The following IKBKB variants were observed in gnomAD, a reference collection of about 807,000 sequenced individuals.
IKBKB encodes inhibitor of nuclear factor kappa-B kinase subunit beta.
Under a neutral mutation model 113.6 loss-of-function variants are expected in IKBKB, and 42 were observed. The ratio of observed to expected loss-of-function variants is 0.37; its 90% CI spans 0.29 to 0.48. IKBKB has a LOEUF of 0.48. Ranked by LOEUF, IKBKB falls within the 20% of genes least tolerant of loss-of-function variation. The pLI is 0.99. For synonymous variants in IKBKB, 296 were observed against 361.3 expected (o/e 0.82, Z 2.05); for missense variants, 673 against 939.7 (o/e 0.72, Z 3.71).
Position 42,293,433 on chromosome 8 carries a change from T to C in IKBKB, c.319-10T>C, listed in dbSNP as rs199743559. 31 of 1,614,060 alleles carry C rather than the reference T, an allele frequency of 1.9e-5. No individual in the cohort carries two copies. Among genetic ancestry groups the C allele is most frequent in the African/African-American group, 1.2e-4 (9 of 74,930 alleles). On this transcript the variant is annotated splice_polypyrimidine_tract_variant and intron_variant, in intron 4 of 21. Transcript: ENST00000520810. ...ACCAGCTCTGATGCTGCTTTTCACT[T>C]TCTTGACAGTACCTGAACCAGTTTG... is the stretch of plus-strand genomic sequence containing the variant.
Position 42,325,354 on chromosome 8 carries a change from G to A in IKBKB, c.1987-616G>A, listed in dbSNP as rs1004468551. 3.0e-6 allele frequency: 3 copies of A among 985,638 alleles called. No homozygotes were observed. The African/African-American group carries it at 5.2e-5, about 17-fold the overall frequency. 61.1% of individuals were successfully genotyped at this position (985,638 alleles called of 1,614,324 possible). A position where few individuals can be genotyped will look rare whatever the true frequency, so the allele number is the denominator to read the frequency against. ...TTGTGTGTGTGTCTGTCTTCTACCTGGAAAACAGTAAGAATACTTTCCTGT... is the reference window on the plus strand; with the variant it reads ...TTGTGTGTGTGTCTGTCTTCTACCTAGAAAACAGTAAGAATACTTTCCTGT... On this transcript the variant is annotated intron_variant, in intron 19 of 21. Transcript: ENST00000520810.
rs142198097 is a variant in IKBKB, at chr8:42,332,319, C to T, written c.*1340C>T. The T allele has an allele frequency of 4.6e-5, 7 of 152,328 alleles. No homozygotes were observed. The East Asian group carries it at 1.3e-3, about 29-fold the overall frequency. The allele number at this position is 152,328 out of a possible 1,614,324, so 9.4% of individuals were successfully genotyped here. On this transcript the variant is annotated 3_prime_UTR_variant, in exon 22 of 22. Transcript: ENST00000520810. ...AAAAGTCTTATAATAAAGAAACAGGCTTAACTTTGTGTAAGAACACTGTTT... is the reference window on the plus strand; with the variant it reads ...AAAAGTCTTATAATAAAGAAACAGGTTTAACTTTGTGTAAGAACACTGTTT...
At chr8:42,322,987 T>A (rs1019867661) in intron 19 of IKBKB, among the ~76,000 whole-genome samples, 3 of 152,152 alleles carry the variant, frequency 2.0e-5, no homozygotes, top group Non-Finnish European at 4.4e-5. Flanking sequence ...AGGGCTGAGC[T>A]CCCTCTGAGG....
intron 9 of IKBKB, among the ~76,000 whole-genome samples, chr8:42,314,978 A>T (rs1470898851): frequency 6.6e-6 from 1 of 152,060 alleles, no homozygotes; most frequent in African/African-American, 2.4e-5. Context: ...ACCTCTTATT[A>T]CCCTTAATAG....
chr8:42,320,619 G>A, intron 15 of IKBKB, 116 bp from the exon 16 acceptor site: 1 of 817,464 alleles, frequency 1.2e-6, no homozygotes, highest in South Asian at 1.5e-5. Context: ...CTTTGAGCCA[G>A]TCCATTGAGG....
chr8:42,318,718 T>C (rs1298059617), intron 13 of IKBKB, 43 bp downstream of exon 13: 6 of 1,548,968 alleles, frequency 3.9e-6, no homozygotes, highest in Non-Finnish European at 5.2e-6. Flanking sequence ...TTATTTAAAA[T>C]TCCTTGGTGG....
At position 42,331,048 on chromosome 8, in the gene IKBKB, C is replaced by A; in HGVS notation, c.*69C>A. The A allele has an allele frequency of 1.3e-6, 2 of 1,592,488 alleles. No homozygotes were observed. The highest frequency in any genetic ancestry group is 8.6e-7 in the Non-Finnish European group (1 of 1,169,526). ...GCCTTGTGCAGTGGGGGGACTCGACCCCCTGACATGGGGCTGCCTGGAGCA... is the reference window on the plus strand; with the variant it reads ...GCCTTGTGCAGTGGGGGGACTCGACACCCTGACATGGGGCTGCCTGGAGCA... On this transcript the variant is annotated 3_prime_UTR_variant, in exon 22 of 22. Coordinates refer to ENST00000520810, the MANE Select transcript of IKBKB (RefSeq NM_001556.3).
At chr8:42,279,661 C>T (rs572629557) in intron 2 of IKBKB, among the ~76,000 whole-genome samples, 4 of 152,214 alleles carry the variant, frequency 2.6e-5, no homozygotes, top group East Asian at 1.9e-4. Context: ...GACCTGAGCT[C>T]GCAAGCAAAG....
chr8:42,318,676 G>A lies in IKBKB; in HGVS notation c.1364+1G>A. 1 of 1,600,494 alleles carries A rather than the reference G, an allele frequency of 6.2e-7. No homozygotes were observed. On this transcript the variant is annotated splice_donor_variant, in intron 13 of 21. Coordinates refer to ENST00000520810, the MANE Select transcript of IKBKB (RefSeq NM_001556.3). LOFTEE classifies it high-confidence loss of function. ...TGCAGCAGGGACAGCGAGCCGCCATGTAGCGTGCCAGGCTTTTTTTTTAAA... is the reference window on the plus strand; with the variant it reads ...TGCAGCAGGGACAGCGAGCCGCCATATAGCGTGCCAGGCTTTTTTTTTAAA...
rs973956349 is a variant in IKBKB, at chr8:42,272,452, T to C, written c.105+247T>C. 32 of 596,892 alleles carry C rather than the reference T, an allele frequency of 5.4e-5. No homozygotes were observed. The Middle Eastern group carries it at 1.3e-3, about 25-fold the overall frequency. 37.0% of individuals were successfully genotyped at this position (596,892 alleles called of 1,614,324 possible). On this transcript the variant is annotated intron_variant, in intron 2 of 21. Transcript: ENST00000520810. ...AAAGTTAAGCTCTTAGTCTCTATTATATATATATGGTAACAGTAGAATATC... is the reference window on the plus strand; with the variant it reads ...AAAGTTAAGCTCTTAGTCTCTATTACATATATATGGTAACAGTAGAATATC...
In IKBKB at chr8:42,331,717, C is replaced by G. The variant is rs1210807840; in HGVS notation, c.*738C>G. 21 of 399,054 alleles carry G rather than the reference C, an allele frequency of 5.3e-5. No individual in the cohort carries two copies. The Admixed American group carries it at 6.4e-4, about 12-fold the overall frequency. The allele number at this position is 399,054 out of a possible 1,614,324, so 24.7% of individuals were successfully genotyped here. A position where few individuals can be genotyped will look rare whatever the true frequency, so the allele number is the denominator to read the frequency against. On this transcript the variant is annotated 3_prime_UTR_variant, in exon 22 of 22. Transcript: ENST00000520810. ...CATAGTAACCAGGATGGGAGAGCAG[C>G]TGCCTTATTCTGAATCCCAAAAATT...
At chr8:42,327,432 C>A (rs1223526426) in intron 20 of IKBKB, among the ~76,000 whole-genome samples, 1 of 145,954 alleles carries the variant, frequency 6.9e-6, no homozygotes. Context: ...CTCTCAGGTT[C>A]AAGTGATTCT....
intron 6 of IKBKB, among the ~76,000 whole-genome samples, chr8:42,305,748 G>A (rs909482074): frequency 2.0e-5 from 3 of 152,190 alleles, no homozygotes; most frequent in African/African-American, 4.8e-5. Context: ...GTGGCCACCC[G>A]GCTCAGACGT....
chr8:42,322,251 G>A, intron 18 of IKBKB, 96 bp from the exon 19 acceptor site: 1 of 1,574,704 alleles, frequency 6.4e-7, no homozygotes, highest in East Asian at 2.2e-5. Flanking sequence ...ACCTCATGAA[G>A]AGAGTTTCTG....
intron 19 of IKBKB, chr8:42,325,651 C>T: frequency 9.3e-7 from 1 of 1,077,156 alleles, no homozygotes; most frequent in Non-Finnish European, 1.1e-6. Context: ...GCACTTCAGC[C>T]CAGGCGACAG....
rs1585716798 is a variant in IKBKB, at chr8:42,308,822, C to T, written c.568-79C>T. 4.3e-6 allele frequency: 6 copies of T among 1,407,394 alleles called. No individual in the cohort carries two copies. In the East Asian group the frequency reaches 1.4e-4, roughly 32 times the overall value. 87.2% of individuals were successfully genotyped at this position (1,407,394 alleles called of 1,614,324 possible). Reference sequence around the variant, plus strand: ...TCTAGGATGAAGCCAGGGGTGAAAGCAGATGGGCTGGCCGCCCCCTCCTGC... The same window carrying T: ...TCTAGGATGAAGCCAGGGGTGAAAGTAGATGGGCTGGCCGCCCCCTCCTGC... On this transcript the variant is annotated intron_variant, in intron 7 of 21. Transcript: ENST00000520810.
Position 42,308,286 on chromosome 8 carries a change from TTTTTTC to T in IKBKB, c.568-611_568-606del, listed in dbSNP as rs1449242749. Among the ~76,000 whole-genome samples, 10 of 19,440 alleles carry T rather than the reference TTTTTTC, an allele frequency of 5.1e-4. No individual in the cohort carries two copies. The Non-Finnish European group carries it at 9.2e-3, about 18-fold the overall frequency. 12.8% of individuals were successfully genotyped at this position (19,440 alleles called of 152,430 possible). The stretch of plus-strand genomic sequence containing the variant: ...TGCAACCCTTTTTTTTTTTTTCCTT[TTTTTTC>T]TTTCTTTCTTTCTTTTTTTTTTTTA... On this transcript the variant is annotated intron_variant, in intron 7 of 21. Transcript: ENST00000520810.
At chr8:42,319,828 C>T (rs895161458) in intron 15 of IKBKB, 182 bp downstream of exon 15, 5 of 572,964 alleles carry the variant, frequency 8.7e-6, no homozygotes, top group African/African-American at 1.9e-5. Context: ...AAGGGAGCCC[C>T]TCTGTGGCCA....
intron 5 of IKBKB, among the ~76,000 whole-genome samples, chr8:42,300,288 G>A (rs1450531701): frequency 3.9e-5 from 6 of 152,244 alleles, no homozygotes; most frequent in South Asian, 2.1e-4. Context: ...CTGAGGGAAC[G>A]GACATCCTGT....
Sources: allele counts gnomAD v4.1 joint callset (sites outside exome capture counted in the v4.1 genomes callset), GRCh38; gene constraint gnomAD v4.1.1; transcripts MANE v1.5; gene names NCBI Gene and HGNC (gene_info 2026-07-23, HGNC 2026-07-21).